The following TNR variants were observed in gnomAD, a reference collection of about 807,000 sequenced individuals.
TNR encodes the protein tenascin-R.
Under a neutral mutation model 150.4 loss-of-function variants are expected in TNR, and 45 were observed. The ratio of observed to expected loss-of-function variants is 0.30; its 90% CI spans 0.24 to 0.38. The LOEUF (loss-of-function observed/expected upper bound fraction) is 0.38. Among genes scored for constraint, TNR ranks in the 10% least tolerant of loss-of-function variants. The pLI is 1.00. For missense variants in TNR, 1,544 were observed against 1,759.1 expected (o/e 0.88, Z 2.19); for synonymous variants, 687 against 678.4 (o/e 1.01, Z -0.20).
At chr1:175,671,912 TGTG>T (rs1665710970) in intron 1 of TNR, among the ~76,000 whole-genome samples, 1 of 24,784 alleles carries the variant, frequency 4.0e-5, no homozygotes, top group African/African-American at 1.3e-4. Flanking sequence ...GAGCTGTACC[TGTG>T]TGTGTGTGTG....
At chr1:175,419,754 T>C (rs1654667756) in intron 2 of TNR, among the ~76,000 whole-genome samples, 1 of 152,128 alleles carries the variant, frequency 6.6e-6, no homozygotes, top group African/African-American at 2.4e-5. Context: ...AGTGCTGAAA[T>C]TACAAGTGTG....
chr1:175,368,465 A>T (rs1406390519), intron 9 of TNR, among the ~76,000 whole-genome samples: 2 of 152,196 alleles, frequency 1.3e-5, no homozygotes, highest in East Asian at 3.8e-4. Flanking sequence ...CCTTGCGATC[A>T]TGTTGGTCCC....
chr1:175,620,883 T>C (rs1006962787), intron 1 of TNR, among the ~76,000 whole-genome samples: 2 of 152,146 alleles, frequency 1.3e-5, no homozygotes, highest in Non-Finnish European at 2.9e-5. Flanking sequence ...ACTTGCTTTA[T>C]AAGCTCGGTT....
chr1:175,703,720 A>G (rs1666767691), intron 1 of TNR, among the ~76,000 whole-genome samples: 1 of 152,240 alleles, frequency 6.6e-6, no homozygotes, highest in Non-Finnish European at 1.5e-5. Context: ...TAAACATATG[A>G]AAAGATGTTC....
At chr1:175,534,597 A>G (rs1161215002) in intron 1 of TNR, among the ~76,000 whole-genome samples, 2 of 152,162 alleles carry the variant, frequency 1.3e-5, no homozygotes, top group Non-Finnish European at 2.9e-5. Context: ...CTAGTGAGCA[A>G]TTTCCATTAT....
At chr1:175,392,263 C>A (rs1398226893) in intron 6 of TNR, among the ~76,000 whole-genome samples, 1 of 152,106 alleles carries the variant, frequency 6.6e-6, no homozygotes, top group African/African-American at 2.4e-5. Context: ...GACAAGAGGG[C>A]CTCTTTTGGA....
intron 8 of TNR, among the ~76,000 whole-genome samples, chr1:175,385,137 A>T (rs1410438869): frequency 6.6e-6 from 1 of 152,198 alleles, no homozygotes; most frequent in African/African-American, 2.4e-5. Flanking sequence ...ATATTATTTG[A>T]CATGTGACCA....
intron 1 of TNR, among the ~76,000 whole-genome samples, chr1:175,604,818 G>A (rs936061718): frequency 4.6e-5 from 7 of 152,116 alleles, no homozygotes; most frequent in Admixed American, 2.6e-4. Context: ...ACCCTTTGCC[G>A]CAGCGCTAAC....
chr1:175,676,580 G>A (rs149256554), intron 1 of TNR, among the ~76,000 whole-genome samples: 293 of 152,276 alleles, frequency 1.9e-3, no homozygotes, highest in African/African-American at 6.8e-3. Context: ...AAAAGAGATT[G>A]GGGATGAGGA....
intron 1 of TNR, among the ~76,000 whole-genome samples, chr1:175,620,579 G>C (rs922583945): frequency 6.6e-6 from 1 of 152,208 alleles, no homozygotes; most frequent in Non-Finnish European, 1.5e-5. Context: ...GCAGCAGGAG[G>C]CAGAGAGAAA....
chr1:175,385,094 A>T (rs933870684), intron 8 of TNR, among the ~76,000 whole-genome samples: 2 of 152,198 alleles, frequency 1.3e-5, no homozygotes, highest in African/African-American at 4.8e-5. Flanking sequence ...ATCAGTTTTC[A>T]TTGATCCCTG....
chr1:175,614,409 G>C (rs953905223), intron 1 of TNR, among the ~76,000 whole-genome samples: 6 of 152,164 alleles, frequency 3.9e-5, no homozygotes, highest in Admixed American at 2.0e-4. Context: ...GAACCAAACT[G>C]GAATCTGCCC....
At chr1:175,337,915 G>C (rs967180746) in intron 18 of TNR, among the ~76,000 whole-genome samples, 4 of 152,158 alleles carry the variant, frequency 2.6e-5, no homozygotes, top group African/African-American at 4.8e-5. Context: ...GAGAACTAAA[G>C]GTCTGTGTTC....
rs796656876 is a variant in TNR, at chr1:175,696,224, T to G, written c.-165+47002A>C. Among the ~76,000 whole-genome samples, 16 of 120,406 alleles carry G rather than the reference T, an allele frequency of 1.3e-4. 1 individual carries two copies. The highest frequency in any genetic ancestry group is 2.8e-4 in the African/African-American group (8 of 28,344). The allele number at this position is 120,406 out of a possible 152,430, so 79.0% of individuals were successfully genotyped here. A position where few individuals can be genotyped will look rare whatever the true frequency, so the allele number is the denominator to read the frequency against. ...TAAATGAGCCTTCCTGTAGTTTTTT[T>G]TTTTTTTTTTTTTTTTTTTTCCAAA... On this transcript the variant is annotated intron_variant, in intron 1 of 22. Transcript: ENST00000367674.
At chr1:175,417,043 G>GAAAGAAAT in intron 2 of TNR, among the ~76,000 whole-genome samples, 1 of 99,934 alleles carries the variant, frequency 1.0e-5, no homozygotes, top group East Asian at 3.1e-4. Flanking sequence ...AAGAAAGAAA[G>GAAAGAAAT]AAAGAAAGAA....
chr1:175,732,073 C>A (rs1667657330), intron 1 of TNR, among the ~76,000 whole-genome samples: 1 of 152,218 alleles, frequency 6.6e-6, no homozygotes, highest in Non-Finnish European at 1.5e-5. Flanking sequence ...CCCACCAGCA[C>A]TCCCTGCCTC....
intron 1 of TNR, among the ~76,000 whole-genome samples, chr1:175,710,603 C>T (rs571915732): frequency 6.6e-6 from 1 of 152,262 alleles, no homozygotes; most frequent in South Asian, 2.1e-4. Context: ...TTAAGTCCCA[C>T]CAGTTACCCA....
intron 1 of TNR, among the ~76,000 whole-genome samples, chr1:175,626,816 T>A (rs531190758): frequency 1.3e-5 from 2 of 152,270 alleles, no homozygotes; most frequent in South Asian, 4.2e-4. Flanking sequence ...AAGTTAAGGA[T>A]CTTGAGATGA....
At chr1:175,708,460 C>A (rs780065581) in intron 1 of TNR, among the ~76,000 whole-genome samples, 2 of 152,198 alleles carry the variant, frequency 1.3e-5, no homozygotes, top group African/African-American at 4.8e-5. Context: ...TCTCATCAAA[C>A]GTCTGTACCA....
Sources: gnomAD v4.1 joint callset for allele counts (sites outside exome capture counted in the v4.1 genomes callset) on GRCh38, gnomAD v4.1.1 for gene constraint, MANE v1.5 for transcripts, NCBI Gene and HGNC (gene_info 2026-07-23, HGNC 2026-07-21) for gene names.